The following RXFP1 variants were observed in gnomAD, a reference collection of about 807,000 sequenced individuals.
The protein encoded by RXFP1 is relaxin family peptide receptor 1.
In RXFP1, 73 loss-of-function variants were observed where a neutral mutation model predicts 89.8. The observed-to-expected ratio is 0.81, with a 90% confidence interval of 0.67 to 0.99. The LOEUF (loss-of-function observed/expected upper bound fraction) is 0.99, where lower values mean the gene tolerates loss of function less well. Ranked by LOEUF, RXFP1 falls within the 50% of genes least tolerant of loss-of-function variation. RXFP1 has a pLI of 0.00. For synonymous variants in RXFP1, 277 were observed against 305.5 expected (o/e 0.91, Z 0.97); for missense variants, 793 against 895.5 (o/e 0.89, Z 1.46).
In RXFP1 at chr4:158,648,591, C is replaced by T. The variant is rs761406801; in HGVS notation, c.1849C>T (p.Arg617Trp). Residue 617 changes from arginine (R) to tryptophan (W), a missense_variant, in exon 17 of 18, where the codon CGG becomes TGG. Coordinates refer to ENST00000307765, the MANE Select transcript of RXFP1 (RefSeq NM_021634.4). The part of the protein sequence containing the change: ...HQSAITATEI[R>W]NQVKKEMILA... ...AAGTGCCATAACAGCAACTGAAATA[C>T]GGAATCAAGTTAAAAAAGAGATGAT... 29 of 1,612,442 alleles carry T rather than the reference C, an allele frequency of 1.8e-5. No individual in the cohort carries two copies. Among genetic ancestry groups the T allele is most frequent in the African/African-American group, 2.7e-5 (2 of 74,862 alleles).
At chr4:158,524,556 A>C (rs1246151768) in intron 1 of RXFP1, among the ~76,000 whole-genome samples, 1 of 152,216 alleles carries the variant, frequency 6.6e-6, no homozygotes, top group Non-Finnish European at 1.5e-5. Flanking sequence ...ATTTCCTTTT[A>C]GCCTTGAGAA....
In RXFP1 at chr4:158,612,165, CG is replaced by C; in HGVS notation, c.575del (p.Gly192ValfsTer9). The C allele has an allele frequency of 1.2e-6, 2 of 1,610,930 alleles. No individual in the cohort carries two copies. The highest frequency in any genetic ancestry group is 1.7e-6 in the Non-Finnish European group (2 of 1,179,024). On this transcript the variant is annotated frameshift_variant, in exon 7 of 18. Coordinates refer to ENST00000307765, the MANE Select transcript of RXFP1 (RefSeq NM_021634.4). LOFTEE classifies it high-confidence loss of function. ...LSHNRITFLK[P>X]GVFEDLHRLE... ...CATAACAGAATAACCTTCCTGAAGCCGGGTGTTTTTGAAGATCTTCACAGAC... is the reference window on the plus strand; with the variant it reads ...CATAACAGAATAACCTTCCTGAAGCCGGTGTTTTTGAAGATCTTCACAGAC...
intron 3 of RXFP1, among the ~76,000 whole-genome samples, chr4:158,598,861 T>A (rs2150087348): frequency 6.6e-6 from 1 of 152,126 alleles, no homozygotes; most frequent in Non-Finnish European, 1.5e-5. Flanking sequence ...TTGCCTTTAG[T>A]TCTCCTCGTT....
In RXFP1 at chr4:158,652,774, G is replaced by C. The variant is rs921134948; in HGVS notation, c.*719G>C. The C allele has an allele frequency of 6.6e-6, 1 of 152,152 alleles. No individual in the cohort carries two copies. The highest frequency in any genetic ancestry group is 2.4e-5 in the African/African-American group (1 of 41,426). 9.4% of individuals were successfully genotyped at this position (152,152 alleles called of 1,614,324 possible). A position where few individuals can be genotyped will look rare whatever the true frequency, so the allele number is the denominator to read the frequency against. On this transcript the variant is annotated 3_prime_UTR_variant, in exon 18 of 18. Transcript: ENST00000307765. ...ATTGGAATAGGAGAGTATGAGTACGGCAGAGAAGTGGATCAGAAAAACTAG... is the reference window on the plus strand; with the variant it reads ...ATTGGAATAGGAGAGTATGAGTACGCCAGAGAAGTGGATCAGAAAAACTAG...
chr4:158,606,155 T>G (rs182733617), intron 5 of RXFP1, among the ~76,000 whole-genome samples: 1 of 152,376 alleles, frequency 6.6e-6, no homozygotes, highest in African/African-American at 2.4e-5. Context: ...GTACACTGAC[T>G]TATTCTATTT....
chr4:158,642,198 G>A (rs1015807430), intron 14 of RXFP1, among the ~76,000 whole-genome samples: 7 of 151,838 alleles, frequency 4.6e-5, no homozygotes, highest in Non-Finnish European at 8.8e-5. Context: ...CTTCATGGGG[G>A]TACATAGTGA....
At chr4:158,638,216 T>C (rs1769604189) in intron 13 of RXFP1, 137 bp downstream of exon 13, 1 of 547,162 alleles carries the variant, frequency 1.8e-6, no homozygotes, top group Admixed American at 3.6e-5. Flanking sequence ...AACATATGGG[T>C]GCTTGCTGAA....
At chr4:158,560,433 A>G (rs2149935004) in intron 1 of RXFP1, among the ~76,000 whole-genome samples, 1 of 152,220 alleles carries the variant, frequency 6.6e-6, no homozygotes. Context: ...TACTCCTTCA[A>G]TCACCCTTTC....
intron 1 of RXFP1, among the ~76,000 whole-genome samples, chr4:158,548,215 T>C (rs1749060328): frequency 1.3e-5 from 2 of 152,258 alleles, no homozygotes; most frequent in Admixed American, 6.5e-5. Context: ...TGGCCTTCTT[T>C]GTCTCTTTTG....
At chr4:158,565,271 T>C (rs962638405) in intron 1 of RXFP1, among the ~76,000 whole-genome samples, 1 of 152,204 alleles carries the variant, frequency 6.6e-6, no homozygotes, top group Non-Finnish European at 1.5e-5. Context: ...ACTGAGCCTG[T>C]AGTGTTGGAT....
At chr4:158,565,678 A>C (rs560720623) in intron 1 of RXFP1, among the ~76,000 whole-genome samples, 1 of 152,360 alleles carries the variant, frequency 6.6e-6, no homozygotes, top group East Asian at 1.9e-4. Flanking sequence ...GCACATCAGA[A>C]TACATAATAA....
intron 9 of RXFP1, 44 bp from the exon 10 acceptor site, chr4:158,626,776 C>T: frequency 8.5e-7 from 1 of 1,179,020 alleles, no homozygotes; most frequent in Non-Finnish European, 1.2e-6. Context: ...TTATTTCTCT[C>T]CATGATTAAG....
intron 11 of RXFP1, among the ~76,000 whole-genome samples, chr4:158,633,062 G>A (rs1768413325): frequency 6.6e-6 from 1 of 151,862 alleles, no homozygotes; most frequent in Non-Finnish European, 1.5e-5. Flanking sequence ...CTCACCTACT[G>A]GGGAGGCTGA....
At chr4:158,531,405 A>G (rs143058148) in intron 1 of RXFP1, among the ~76,000 whole-genome samples, 121 of 152,106 alleles carry the variant, frequency 8.0e-4, no homozygotes, top group African/African-American at 2.8e-3. Flanking sequence ...GTTTCCTCCA[A>G]TCACTCAGCC....
At chr4:158,542,109 A>ATATATATATATTTTT in intron 1 of RXFP1, among the ~76,000 whole-genome samples, 14 of 35,226 alleles carry the variant, frequency 4.0e-4, no homozygotes, top group Admixed American at 5.6e-4. Flanking sequence ...ATATATATAT[A>ATATATATATATTTTT]TTTTTTTTTT....
intron 5 of RXFP1, chr4:158,606,971 T>A: frequency 9.5e-7 from 1 of 1,050,106 alleles, no homozygotes; most frequent in Non-Finnish European, 1.4e-6. Context: ...AATTTATAAT[T>A]TAACTGAATG....
intron 1 of RXFP1, among the ~76,000 whole-genome samples, chr4:158,572,179 T>C (rs1755221757): frequency 6.6e-6 from 1 of 152,164 alleles, no homozygotes; most frequent in South Asian, 2.1e-4. Context: ...GAGGAAACTT[T>C]TTCTCTCTTC....
intron 2 of RXFP1, among the ~76,000 whole-genome samples, chr4:158,584,288 G>A (rs1415147710): frequency 6.6e-6 from 1 of 152,016 alleles, no homozygotes; most frequent in African/African-American, 2.4e-5. Flanking sequence ...CAAAAAATTA[G>A]CTAGGCATGG....
rs530472641 is a variant in RXFP1 at position 158,539,142 on chromosome 4, C to T, written c.49+17117C>T. Among the ~76,000 whole-genome samples, 236 of 152,266 alleles carry T rather than the reference C, an allele frequency of 1.5e-3. 2 individuals are homozygous for T. The highest frequency in any genetic ancestry group is 5.0e-4 in the Non-Finnish European group (34 of 68,008). ...TCGTGGACAGAAAGAGGAAGTTAGG[C>T]AGTGGCAACAGAAACTACTTGCTCT... is the stretch of plus-strand genomic sequence containing the variant. On this transcript the variant is annotated intron_variant, in intron 1 of 17. Coordinates refer to ENST00000307765, the MANE Select transcript of RXFP1 (RefSeq NM_021634.4).
Sources: allele counts gnomAD v4.1 joint callset (sites outside exome capture counted in the v4.1 genomes callset), GRCh38; gene constraint gnomAD v4.1.1; transcripts MANE v1.5; gene names NCBI Gene and HGNC (gene_info 2026-07-23, HGNC 2026-07-21).